Variants in A1CF observed in about 807,000 individuals in gnomAD.
A1CF encodes APOBEC-1 stimulating protein.
Under a neutral mutation model 68.9 loss-of-function variants are expected in A1CF, and 48 were observed. The ratio of observed to expected loss-of-function variants is 0.70; its 90% CI spans 0.55 to 0.89. The LOEUF is 0.89. A1CF is among the 40% of genes least tolerant of loss of function. The probability of loss-of-function intolerance (pLI) is 0.00; values close to 1 mark genes in which losing one functional copy is unlikely to be tolerated. For synonymous variants in A1CF, 272 were observed against 260.4 expected (o/e 1.04, Z -0.43); for missense variants, 653 against 718.9 (o/e 0.91, Z 1.05).
chr10:50,819,748 A>G (rs1838555472), intron 8 of A1CF, among the ~76,000 whole-genome samples: 1 of 151,998 alleles, frequency 6.6e-6, no homozygotes, highest in Non-Finnish European at 1.5e-5. Context: ...CTGTCTTTCC[A>G]TATTTTGATT....
At chr10:50,827,664 A>C (rs1389084709) in intron 7 of A1CF, among the ~76,000 whole-genome samples, 2 of 152,242 alleles carry the variant, frequency 1.3e-5, no homozygotes, top group African/African-American at 4.8e-5. Flanking sequence ...TTATAGCACT[A>C]AATGCCCACA....
rs560598470 is a variant in A1CF, at chr10:50,800,686, T to C, written c.*6043A>G. ...ATAGAGCCTGTAAAACTTGTTTAATTTCCAATGTTAGTGAAGAGAATAGAG... is the reference window on the plus strand; with the variant it reads ...ATAGAGCCTGTAAAACTTGTTTAATCTCCAATGTTAGTGAAGAGAATAGAG... On this transcript the variant is annotated 3_prime_UTR_variant, in exon 13 of 13. Coordinates refer to ENST00000373997, the MANE Select transcript of A1CF (RefSeq NM_014576.4). 6.6e-6 allele frequency: 1 copy of C among 152,288 alleles called. No homozygotes were observed. Among genetic ancestry groups the C allele is most frequent in the Non-Finnish European group, 1.5e-5 (1 of 68,020 alleles). The allele number at this position is 152,288 out of a possible 1,614,324, so 9.4% of individuals were successfully genotyped here. A position where few individuals can be genotyped will look rare whatever the true frequency, so the allele number is the denominator to read the frequency against.
intron 1 of A1CF, among the ~76,000 whole-genome samples, chr10:50,881,562 A>G (rs1338289536): frequency 6.6e-6 from 1 of 152,242 alleles, no homozygotes; most frequent in Non-Finnish European, 1.5e-5. Flanking sequence ...CTATGGAAAT[A>G]AGATATTGTA....
intron 12 of A1CF, among the ~76,000 whole-genome samples, chr10:50,807,811 T>C (rs184855611): frequency 3.6e-4 from 55 of 152,342 alleles, no homozygotes; most frequent in African/African-American, 1.3e-3. Context: ...TTTTTCATTG[T>C]TGTTTTAAAC....
chr10:50,837,347 G>C (rs1839550531), intron 5 of A1CF, among the ~76,000 whole-genome samples: 1 of 152,132 alleles, frequency 6.6e-6, no homozygotes, highest in African/African-American at 2.4e-5. Flanking sequence ...ACCTTCACTG[G>C]CAGAGTACAC....
At chr10:50,810,710 C>T (rs182630217) in intron 11 of A1CF, among the ~76,000 whole-genome samples, 1 of 152,278 alleles carries the variant, frequency 6.6e-6, no homozygotes, top group East Asian at 1.9e-4. Flanking sequence ...CGGGGTTTCA[C>T]CATGTTGGCC....
intron 2 of A1CF, among the ~76,000 whole-genome samples, chr10:50,861,555 A>T (rs1336391496): frequency 1.3e-5 from 2 of 148,224 alleles, no homozygotes; most frequent in African/African-American, 2.4e-5. Context: ...CTACCTACTA[A>T]TATTAGTATT....
intron 2 of A1CF, among the ~76,000 whole-genome samples, chr10:50,860,283 A>G (rs1840683495): frequency 6.6e-6 from 1 of 152,206 alleles, no homozygotes; most frequent in African/African-American, 2.4e-5. Context: ...AATACTCAAA[A>G]ACAGATCAGC....
In A1CF at chr10:50,816,180, G is replaced by A. The variant is rs1343628413; in HGVS notation, c.967C>T (p.Leu323=). 5 of 1,613,762 alleles carry A rather than the reference G, an allele frequency of 3.1e-6. No homozygotes were observed. In the Admixed American group the frequency reaches 8.3e-5, roughly 27 times the overall value. ...TRGTGGRGTM[L]QGEYTYSLGQ... Reference sequence around the variant, plus strand: ...AAAGAGTAGGTATACTCTCCTTGCAGCATGGTGCCCCTTCCACCTGTGCCT... The same window carrying A: ...AAAGAGTAGGTATACTCTCCTTGCAACATGGTGCCCCTTCCACCTGTGCCT... Residue 323 remains leucine (L), a synonymous_variant, in exon 9 of 13, where the codon CTG becomes TTG. Coordinates refer to ENST00000373997, the MANE Select transcript of A1CF (RefSeq NM_014576.4).
At chr10:50,864,510 G>A (rs1468737331) in intron 1 of A1CF, among the ~76,000 whole-genome samples, 2 of 152,014 alleles carry the variant, frequency 1.3e-5, no homozygotes, top group South Asian at 2.1e-4. Flanking sequence ...ATTAACTGGC[G>A]ATCAGAGTCT....
chr10:50,825,244 A>G (rs920943660), intron 7 of A1CF, among the ~76,000 whole-genome samples: 1 of 152,112 alleles, frequency 6.6e-6, no homozygotes, highest in Non-Finnish European at 1.5e-5. Flanking sequence ...ACCCTTATTA[A>G]CAACCTAGAT....
At chr10:50,883,937 A>G (rs1381691880) in intron 1 of A1CF, among the ~76,000 whole-genome samples, 1 of 152,192 alleles carries the variant, frequency 6.6e-6, no homozygotes, top group Non-Finnish European at 1.5e-5. Context: ...ATAGTATCAC[A>G]CCATAGAGTT....
At chr10:50,872,601 A>AG (rs1841321360) in intron 1 of A1CF, among the ~76,000 whole-genome samples, 1 of 152,154 alleles carries the variant, frequency 6.6e-6, no homozygotes, top group Admixed American at 6.5e-5. Context: ...TGAACCAATG[A>AG]GGGGGATGCT....
At chr10:50,847,405 T>A (rs1191916986) in intron 3 of A1CF, among the ~76,000 whole-genome samples, 1 of 152,188 alleles carries the variant, frequency 6.6e-6, no homozygotes, top group Non-Finnish European at 1.5e-5. Context: ...AGTTTATATG[T>A]CAAGAGTACT....
chr10:50,850,522 C>T, intron 3 of A1CF: 1 of 1,095,176 alleles, frequency 9.1e-7, no homozygotes, highest in Non-Finnish European at 1.4e-6. Context: ...AACATTTTGT[C>T]AGTGTTTTTC....
At position 50,844,028 on chromosome 10, in the gene A1CF, C is replaced by T. The variant is rs377582583; in HGVS notation, c.194G>A (p.Arg65Gln). ...TATAAGCTCATCCTCAAAAAGGTCT[C>T]GGGGAAGTTTTCCAATAAAAATTTC... ...GCEIFIGKLP[R>Q]DLFEDELIPL... is the part of the protein sequence containing the mutation. The change falls in exon 4 of 13, where the codon CGA (arginine) becomes CAA (glutamine). Residue 65 changes from arginine to glutamine, a missense_variant. Transcript: ENST00000373997. 24 of 1,613,696 alleles carry T rather than the reference C, an allele frequency of 1.5e-5. No homozygotes were observed. The highest frequency in any genetic ancestry group is 6.7e-5 in the East Asian group (3 of 44,878).
At chr10:50,870,600 A>G (rs1841218297) in intron 1 of A1CF, among the ~76,000 whole-genome samples, 1 of 151,892 alleles carries the variant, frequency 6.6e-6, no homozygotes, top group African/African-American at 2.4e-5. Flanking sequence ...AAATTTGAAT[A>G]AACTAGTAAT....
At chr10:50,881,881 T>C (rs1008681269) in intron 1 of A1CF, among the ~76,000 whole-genome samples, 3 of 152,220 alleles carry the variant, frequency 2.0e-5, no homozygotes, top group Non-Finnish European at 4.4e-5. Context: ...TCCTATTGAA[T>C]AAACAAACTT....
chr10:50,822,763 T>A (rs1838737704), intron 7 of A1CF: 1 of 152,212 alleles, frequency 6.6e-6, no homozygotes, highest in African/African-American at 2.4e-5. Context: ...CATGGGGTGA[T>A]GATCATGACT....
Sources: gnomAD v4.1 joint callset for allele counts (sites outside exome capture counted in the v4.1 genomes callset) on GRCh38, gnomAD v4.1.1 for gene constraint, MANE v1.5 for transcripts, NCBI Gene and HGNC (gene_info 2026-07-23, HGNC 2026-07-21) for gene names.